CRBN: variants seen among roughly 807,000 people sequenced by gnomAD.
CRBN encodes the protein protein cereblon.
CRBN carries 53 observed loss-of-function variants against 62.2 expected under a neutral mutation model. That is an observed-to-expected ratio of 0.85 (90% CI 0.68 to 1.07). The LOEUF is 1.07. CRBN is among the 50% of genes least tolerant of loss of function. The pLI is 0.00. For synonymous variants in CRBN, 208 were observed against 176.1 expected (o/e 1.18, Z -1.43); for missense variants, 616 against 531.1 (o/e 1.16, Z -1.57).
At position 3,150,768 on chromosome 3, in the gene CRBN, TTATGTTTACTTAGG is replaced by T; in HGVS notation, c.*83_*96del. The T allele has an allele frequency of 8.6e-7, 1 of 1,161,196 alleles. No individual in the cohort carries two copies. Among genetic ancestry groups the T allele is most frequent in the South Asian group, 1.4e-5 (1 of 72,776 alleles). The allele number at this position is 1,161,196 out of a possible 1,614,324, so 71.9% of individuals were successfully genotyped here. A position where few individuals can be genotyped will look rare whatever the true frequency, so the allele number is the denominator to read the frequency against. On this transcript the variant is annotated 3_prime_UTR_variant, in exon 11 of 11. Transcript: ENST00000231948. ...TGTTATGTTTACTTAGGTATTAATG[TTATGTTTACTTAGG>T]TATGTATCAGAGGCAATAATTTCCA...
chr3:3,157,567 C>T (rs1575085381), intron 5 of CRBN, among the ~76,000 whole-genome samples: 1 of 152,138 alleles, frequency 6.6e-6, no homozygotes, highest in East Asian at 1.9e-4. Flanking sequence ...ATGATACTTA[C>T]CCTAGGTATG....
chr3:3,172,034 G>A (rs1258447326), intron 4 of CRBN: 1 of 152,228 alleles, frequency 6.6e-6, no homozygotes, highest in Non-Finnish European at 1.5e-5. Context: ...TTTTAAAAGA[G>A]GATAAAATAA....
At chr3:3,152,423 GA>G (rs11414437) in intron 10 of CRBN, 32 bp downstream of exon 10, 458 of 1,480,586 alleles carry the variant, frequency 3.1e-4, no homozygotes, top group Admixed American at 8.9e-4. Context: ...GGTAAAAAAA[GA>G]AAAAAAAAAG....
chr3:3,170,146 ATTTCTTGTATT>A (rs1407461333), intron 4 of CRBN, among the ~76,000 whole-genome samples: 8 of 152,042 alleles, frequency 5.3e-5, no homozygotes, highest in Non-Finnish European at 1.2e-4. Context: ...TGCCCAGCTA[ATTTCTTGTATT>A]TTTAGTAGTG....
chr3:3,150,476 G>C lies in CRBN; in HGVS notation c.*389C>G, dbSNP rs1706444026. ...ACAGATACGCTGTCCCATACATCAG[G>C]ATCAAATTATTAGTTTCAGTTTCAC... On this transcript the variant is annotated 3_prime_UTR_variant, in exon 11 of 11. Transcript: ENST00000231948. 1.9e-5 allele frequency: 4 copies of C among 211,540 alleles called. No individual in the cohort carries two copies. The South Asian group carries it at 2.8e-4, about 15-fold the overall frequency. The allele number at this position is 211,540 out of a possible 1,614,324, so 13.1% of individuals were successfully genotyped here. A position where few individuals can be genotyped will look rare whatever the true frequency, so the allele number is the denominator to read the frequency against.
At chr3:3,167,159 G>T (rs963553850) in intron 5 of CRBN, among the ~76,000 whole-genome samples, 2 of 152,036 alleles carry the variant, frequency 1.3e-5, no homozygotes, top group African/African-American at 4.8e-5. Context: ...AGAGCACCTA[G>T]TCTCAAGTCA....
Position 3,174,280 on chromosome 3 carries a change from AG to A in CRBN, c.175-20del. On this transcript the variant is annotated intron_variant, in intron 2 of 10. Transcript: ENST00000231948. The stretch of plus-strand genomic sequence containing the variant: ...CTAGGTACTATATAAAAACATATAT[AG>A]GTATAGTGTCATGATCGATATGTAA... 7 of 1,540,144 alleles carry A rather than the reference AG, an allele frequency of 4.5e-6. No individual in the cohort carries two copies. The highest frequency in any genetic ancestry group is 5.4e-6 in the Non-Finnish European group (6 of 1,112,350).
intron 5 of CRBN, among the ~76,000 whole-genome samples, chr3:3,158,128 G>C (rs974877219): frequency 6.6e-6 from 1 of 152,200 alleles, no homozygotes; most frequent in African/African-American, 2.4e-5. Flanking sequence ...TTTTTCCAAA[G>C]ATGGGGTGGA....
chr3:3,175,963 T>G (rs941611094), intron 1 of CRBN, among the ~76,000 whole-genome samples: 1 of 152,206 alleles, frequency 6.6e-6, no homozygotes, highest in African/African-American at 2.4e-5. Context: ...TTATGAACTA[T>G]TCCTGCTGTT....
chr3:3,154,088 GT>G lies in CRBN; in HGVS notation c.836-14del. The G allele has an allele frequency of 6.7e-7, 1 of 1,494,002 alleles. No individual in the cohort carries two copies. The highest frequency in any genetic ancestry group is 9.3e-7 in the Non-Finnish European group (1 of 1,070,666). 92.5% of individuals were successfully genotyped at this position (1,494,002 alleles called of 1,614,324 possible). A position where few individuals can be genotyped will look rare whatever the true frequency, so the allele number is the denominator to read the frequency against. ...CTGTAAGAAAAATCTTCAAGACATG[GT>G]TTTTCAAGTTTTAAACTTAGGAGTC... On this transcript the variant is annotated splice_polypyrimidine_tract_variant and intron_variant, in intron 7 of 10. Coordinates refer to ENST00000231948, the MANE Select transcript of CRBN (RefSeq NM_016302.4).
At chr3:3,153,023 A>G (rs1268303950) in intron 9 of CRBN, 1 of 297,524 alleles carries the variant, frequency 3.4e-6, no homozygotes, top group Non-Finnish European at 6.4e-6. Flanking sequence ...ATTTTCAAAC[A>G]CTGTTATATC....
rs184020075 is a variant in CRBN, at chr3:3,157,209, A to G, written c.688-928T>C. ...GTGCTAATAGCAACAAATTGCAAAC[A>G]ACCTAAACATCAATCAAAAATAGAG... On this transcript the variant is annotated intron_variant, in intron 5 of 10. Transcript: ENST00000231948. Among the ~76,000 whole-genome samples, 4 of 152,360 alleles carry G rather than the reference A, an allele frequency of 2.6e-5. No homozygotes were observed. The East Asian group carries it at 7.7e-4, about 29-fold the overall frequency.
chr3:3,159,192 A>C (rs1208830153), intron 5 of CRBN, among the ~76,000 whole-genome samples: 1 of 152,168 alleles, frequency 6.6e-6, no homozygotes, highest in African/African-American at 2.4e-5. Flanking sequence ...CCAGACTAAT[A>C]CAGTGCCTAA....
chr3:3,167,178 G>A (rs549386505), intron 5 of CRBN, among the ~76,000 whole-genome samples: 39 of 152,024 alleles, frequency 2.6e-4, no homozygotes, highest in Non-Finnish European at 4.6e-4. Context: ...CAATTTCTGC[G>A]ATGTCAACTG....
chr3:3,170,494 C>T (rs1707561286), intron 4 of CRBN, among the ~76,000 whole-genome samples: 1 of 152,114 alleles, frequency 6.6e-6, no homozygotes, highest in Non-Finnish European at 1.5e-5. Context: ...AGTCATGGGA[C>T]CTAGAACCAA....
intron 1 of CRBN, among the ~76,000 whole-genome samples, chr3:3,179,317 A>T (rs1251491469): frequency 1.3e-5 from 2 of 152,214 alleles, no homozygotes; most frequent in Non-Finnish European, 2.9e-5. Flanking sequence ...CTCTAGTTTC[A>T]GAGCATTTCC....
Position 3,154,810 on chromosome 3 carries a change from T to A in CRBN, c.772A>T (p.Lys258Ter). ...YDAETLMDRI[K>*]KQLREWDENL... ...TCATCCCATTCACGTAGCTGTTTCTTGATTCTGTCCATTAAGGTCTCCTTG... is the reference window on the plus strand; with the variant it reads ...TCATCCCATTCACGTAGCTGTTTCTAGATTCTGTCCATTAAGGTCTCCTTG... The change falls in exon 7 of 11, where the codon AAG (lysine) becomes TAG (stop). Residue 258 changes from lysine to a stop codon, truncating the protein, a stop_gained. Coordinates refer to ENST00000231948, the MANE Select transcript of CRBN (RefSeq NM_016302.4). LOFTEE classifies it high-confidence loss of function. 6.2e-7 allele frequency: 1 copy of A among 1,602,182 alleles called. No homozygotes were observed. Among genetic ancestry groups the A allele is most frequent in the Non-Finnish European group, 8.6e-7 (1 of 1,169,250 alleles).
In CRBN at chr3:3,154,063, CTG is replaced by C. The variant is rs759777570; in HGVS notation, c.846_847del (p.Tyr282Ter). The C allele has an allele frequency of 9.9e-6, 16 of 1,609,760 alleles. No individual in the cohort carries two copies. The highest frequency in any genetic ancestry group is 5.0e-5 in the Admixed American group (3 of 59,980). On this transcript the variant is annotated stop_gained and frameshift_variant, in exon 8 of 11. Coordinates refer to ENST00000231948, the MANE Select transcript of CRBN (RefSeq NM_016302.4). LOFTEE classifies it high-confidence loss of function. ...ATCAATAGGAAGACAAGCAGCTACT[CTG>C]TAAGAAAAATCTTCAAGACATGGTT...
chr3:3,162,526 G>C (rs1461331407), intron 5 of CRBN, among the ~76,000 whole-genome samples: 2 of 152,136 alleles, frequency 1.3e-5, no homozygotes, highest in African/African-American at 2.4e-5. Context: ...GACACGTGCT[G>C]AATCTTCTCT....
Sources: gnomAD v4.1 joint callset for allele counts (sites outside exome capture counted in the v4.1 genomes callset) on GRCh38, gnomAD v4.1.1 for gene constraint, MANE v1.5 for transcripts, NCBI Gene and HGNC (gene_info 2026-07-23, HGNC 2026-07-21) for gene names.